GFPT1: variants seen among roughly 807,000 people sequenced by gnomAD.
GFPT1 encodes the protein glutamine--fructose-6-phosphate aminotransferase [isomerizing] 1.
A neutral mutation model predicts 92.0 loss-of-function variants in GFPT1; 40 were observed. The observed-to-expected ratio is 0.43, with a 90% CI of 0.34 to 0.57. The LOEUF (loss-of-function observed/expected upper bound fraction) is 0.57, where lower values mean the gene tolerates loss of function less well. Ranked by LOEUF, GFPT1 falls within the 20% of genes least tolerant of loss-of-function variation. The pLI, the probability that GFPT1 is intolerant of heterozygous loss-of-function variation, is 0.02. For synonymous variants in GFPT1, 269 were observed against 280.6 expected (o/e 0.96, Z 0.41); for missense variants, 448 against 869.1 (o/e 0.52, Z 6.09).
At chr2:69,328,135 T>A in intron 18 of GFPT1, 136 bp downstream of exon 18, 1 of 636,688 alleles carries the variant, frequency 1.6e-6, no homozygotes, top group Non-Finnish European at 2.9e-6. Flanking sequence ...ATCTGATTCC[T>A]CACATGTAAA....
intron 17 of GFPT1, 80 bp from the exon 18 acceptor site, chr2:69,328,518 A>T: frequency 9.9e-7 from 1 of 1,009,458 alleles, no homozygotes; most frequent in Non-Finnish European, 1.6e-6. Context: ...AAAGCATCTG[A>T]TATGTCAAGC....
chr2:69,367,717 A>T (rs1281787604), intron 3 of GFPT1, among the ~76,000 whole-genome samples: 2 of 152,144 alleles, frequency 1.3e-5, no homozygotes, highest in Non-Finnish European at 2.9e-5. Context: ...GGCTGTTTCT[A>T]AATTTTGCAA....
At chr2:69,338,703 A>T in intron 13 of GFPT1, 138 bp from the exon 14 acceptor site, 1 of 688,606 alleles carries the variant, frequency 1.5e-6, no homozygotes, top group East Asian at 2.8e-5. Context: ...ACCCAGATTA[A>T]AATATTTAAA....
At chr2:69,369,762 G>A (rs1044150856) in intron 3 of GFPT1, among the ~76,000 whole-genome samples, 7 of 152,184 alleles carry the variant, frequency 4.6e-5, no homozygotes, top group Non-Finnish European at 2.9e-5. Flanking sequence ...TTACACTGAA[G>A]GTAATATACC....
rs1165267058 is a variant in GFPT1, at chr2:69,324,194, AG to A, written c.*1994del. 2 of 152,062 alleles carry A rather than the reference AG, an allele frequency of 1.3e-5. No individual in the cohort carries two copies. The highest frequency in any genetic ancestry group is 4.8e-5 in the African/African-American group (2 of 41,346). The allele number at this position is 152,062 out of a possible 1,614,324, so 9.4% of individuals were successfully genotyped here. Reference sequence around the variant, plus strand: ...CAGTTTAGAACTTACCCTAGCTTTCAGTATATTTGTGTGTGTGTGTGTACAC... The same window carrying A: ...CAGTTTAGAACTTACCCTAGCTTTCATATATTTGTGTGTGTGTGTGTACAC... On this transcript the variant is annotated 3_prime_UTR_variant, in exon 20 of 20. Coordinates refer to ENST00000357308, the MANE Select transcript of GFPT1 (RefSeq NM_001244710.2).
At chr2:69,369,219 A>G (rs941442338) in intron 3 of GFPT1, among the ~76,000 whole-genome samples, 1 of 152,226 alleles carries the variant, frequency 6.6e-6, no homozygotes, top group Non-Finnish European at 1.5e-5. Flanking sequence ...AACAAGTACT[A>G]CAGAGCTAAA....
At chr2:69,335,884 T>C (rs935255545) in intron 15 of GFPT1, among the ~76,000 whole-genome samples, 1 of 151,426 alleles carries the variant, frequency 6.6e-6, no homozygotes, top group African/African-American at 2.4e-5. Context: ...TAGCCAGGCA[T>C]GGGTAGTGGC....
At chr2:69,333,386 C>G (rs1670718750) in intron 15 of GFPT1, among the ~76,000 whole-genome samples, 1 of 152,164 alleles carries the variant, frequency 6.6e-6, no homozygotes, top group African/African-American at 2.4e-5. Flanking sequence ...CAACTTTAAT[C>G]CATGTTTTTC....
intron 1 of GFPT1, among the ~76,000 whole-genome samples, chr2:69,376,801 A>C (rs1671882526): frequency 6.6e-6 from 1 of 152,264 alleles, no homozygotes; most frequent in African/African-American, 2.4e-5. Flanking sequence ...ATAAAAATGT[A>C]AGCCGGATGG....
chr2:69,338,461 A>G lies in GFPT1; in HGVS notation c.1308T>C (p.Phe436=). The G allele has an allele frequency of 6.2e-7, 1 of 1,613,506 alleles. No individual in the cohort carries two copies. The highest frequency in any genetic ancestry group is 1.1e-5 in the South Asian group (1 of 91,068). The change falls in exon 14 of 20, where the codon TTT becomes TTC. Residue 436 remains phenylalanine, a synonymous_variant. Transcript: ENST00000357308. The stretch of plus-strand genomic sequence containing the variant: ...TTAACACACCTGATTGACTAAGGAA[A>G]AAGCAAACATCATCTCGAAAGACTG... ...NTPVFRDDVC[F]FLSQSGETAD...
Position 69,324,772 on chromosome 2 carries a change from A to T in GFPT1, c.*1417T>A, listed in dbSNP as rs1423964695. The T allele has an allele frequency of 2.6e-5, 4 of 152,220 alleles. No homozygotes were observed. Among genetic ancestry groups the T allele is most frequent in the African/African-American group, 9.6e-5 (4 of 41,462 alleles). 9.4% of individuals were successfully genotyped at this position (152,220 alleles called of 1,614,324 possible). A position where few individuals can be genotyped will look rare whatever the true frequency, so the allele number is the denominator to read the frequency against. On this transcript the variant is annotated 3_prime_UTR_variant, in exon 20 of 20. Transcript: ENST00000357308. Reference sequence around the variant, plus strand: ...TAAAAGTAAAAACCTTTGAAAAAGAAGGACTTCACCAAAAACAAACACACT... The same window carrying T: ...TAAAAGTAAAAACCTTTGAAAAAGATGGACTTCACCAAAAACAAACACACT...
At chr2:69,328,795 G>A (rs995985986) in intron 17 of GFPT1, among the ~76,000 whole-genome samples, 3 of 149,672 alleles carry the variant, frequency 2.0e-5, no homozygotes, top group African/African-American at 7.4e-5. Context: ...CCACCTCCTA[G>A]GTTCAAGTGA....
chr2:69,336,978 A>G (rs1476417714), intron 15 of GFPT1, among the ~76,000 whole-genome samples: 1 of 151,598 alleles, frequency 6.6e-6, no homozygotes, highest in East Asian at 1.9e-4. Flanking sequence ...GTACCTTTAA[A>G]CCTCCCCAGA....
At chr2:69,340,140 CTTTTTTTTTTTT>C (rs139786418) in intron 13 of GFPT1, among the ~76,000 whole-genome samples, 1 of 99,128 alleles carries the variant, frequency 1.0e-5, no homozygotes, top group African/African-American at 3.6e-5. Context: ...GTTGGGGCAA[CTTTTTTTTTTTT>C]TTTTTTTTTT....
chr2:69,371,076 C>CTTTTTTT (rs1156764424), intron 2 of GFPT1, among the ~76,000 whole-genome samples: 1 of 127,772 alleles, frequency 7.8e-6, no homozygotes, highest in Non-Finnish European at 1.7e-5. Context: ...CTTTTCTTTT[C>CTTTTTTT]TTTTTTTTTT....
intron 3 of GFPT1, among the ~76,000 whole-genome samples, chr2:69,364,576 T>C (rs922325165): frequency 6.6e-6 from 1 of 152,224 alleles, no homozygotes; most frequent in Non-Finnish European, 1.5e-5. Context: ...TGTACACACG[T>C]CTCACAATAG....
intron 6 of GFPT1, 99 bp from the exon 7 acceptor site, chr2:69,356,656 C>A: frequency 1.2e-6 from 1 of 830,282 alleles, no homozygotes; most frequent in Non-Finnish European, 2.1e-6. Context: ...TTTGTTCACA[C>A]AAATGCTCTT....
chr2:69,329,584 T>C (rs1036826374), intron 16 of GFPT1, 100 bp downstream of exon 16: 1 of 982,058 alleles, frequency 1.0e-6, no homozygotes, highest in African/African-American at 1.6e-5. Flanking sequence ...AAGATCTTAT[T>C]GACTAAATAG....
At position 69,374,089 on chromosome 2, in the gene GFPT1, TG is replaced by T; in HGVS notation, c.31del (p.His11MetfsTer13). The T allele has an allele frequency of 6.3e-7, 1 of 1,587,662 alleles. No homozygotes were observed. The highest frequency in any genetic ancestry group is 1.1e-5 in the South Asian group (1 of 90,112). ...GATTTCTCGTCTCGTTCGAGGAACA[TG>T]GTAGTTTAAGTAAGCAAATATACCT... MCGIFAYLNY[H>X]VPRTRREILE... is the part of the protein sequence containing the mutation. On this transcript the variant is annotated frameshift_variant, in exon 2 of 20. Coordinates refer to ENST00000357308, the MANE Select transcript of GFPT1 (RefSeq NM_001244710.2). LOFTEE classifies it high-confidence loss of function.
Sources: allele counts gnomAD v4.1 joint callset (sites outside exome capture counted in the v4.1 genomes callset), GRCh38; gene constraint gnomAD v4.1.1; transcripts MANE v1.5; gene names NCBI Gene and HGNC (gene_info 2026-07-23, HGNC 2026-07-21).